Variants in MAN1B1 observed in about 807,000 individuals in gnomAD.
MAN1B1 encodes the protein endoplasmic reticulum mannosyl-oligosaccharide 1,2-alpha-mannosidase.
MAN1B1 carries 66 observed loss-of-function variants against 75.5 expected under a neutral mutation model. The observed-to-expected ratio is 0.87, with a 90% CI of 0.72 to 1.07. The LOEUF is 1.07. MAN1B1 is among the 50% of genes least tolerant of loss of function. MAN1B1 has a pLI of 0.00. For missense variants in MAN1B1, 973 were observed against 912.5 expected (o/e 1.07, Z -0.85); for synonymous variants, 453 against 382.8 (o/e 1.18, Z -2.14).
At chr9:137,087,801 T>C (rs1830413786) in intron 1 of MAN1B1, among the ~76,000 whole-genome samples, 1 of 152,242 alleles carries the variant, frequency 6.6e-6, no homozygotes, top group Admixed American at 6.5e-5. Context: ...TCTGTAGTAT[T>C]GTCCCAGCAA....
intron 9 of MAN1B1, 28 bp downstream of exon 9, chr9:137,106,343 C>G: frequency 6.5e-7 from 1 of 1,538,470 alleles, no homozygotes; most frequent in East Asian, 2.5e-5. Flanking sequence ...GCCCCCAGCT[C>G]CCGCGGCTCC....
At chr9:137,090,727 A>T (rs1018355103) in intron 3 of MAN1B1, among the ~76,000 whole-genome samples, 17 of 151,748 alleles carry the variant, frequency 1.1e-4, no homozygotes, top group African/African-American at 3.9e-4. Flanking sequence ...TTTAATAGAG[A>T]CGTGTTTCAC....
At chr9:137,100,408 C>G (rs1283229853) in intron 6 of MAN1B1, among the ~76,000 whole-genome samples, 1 of 152,228 alleles carries the variant, frequency 6.6e-6, no homozygotes, top group East Asian at 1.9e-4. Context: ...GCACTGCTGA[C>G]TCCGTTTTAT....
intron 6 of MAN1B1, among the ~76,000 whole-genome samples, chr9:137,100,746 A>T (rs1053187748): frequency 6.6e-6 from 1 of 151,978 alleles, no homozygotes; most frequent in Non-Finnish European, 1.5e-5. Context: ...CACCCTCCCC[A>T]GTAGTTGGGA....
At position 137,106,165 on chromosome 9, in the gene MAN1B1, C is replaced by T. The variant is rs774832284; in HGVS notation, c.1295C>T (p.Ser432Phe). The change falls in exon 9 of 13, where the codon TCT becomes TTT. Residue 432 changes from serine to phenylalanine, a missense_variant. Coordinates refer to ENST00000371589, the MANE Select transcript of MAN1B1 (RefSeq NM_016219.5). ...EKVTQHIHGL[S>F]GKKDGLVPMF... ...GTGACACAGCACATCCACGGCCTGT[C>T]TGGGAAGAAGGATGGGCTGGTGCCC... The T allele has an allele frequency of 3.7e-6, 6 of 1,612,864 alleles. No individual in the cohort carries two copies. The highest frequency in any genetic ancestry group is 1.3e-5 in the African/African-American group (1 of 74,936).
chr9:137,104,343 T>G (rs1831017856), intron 8 of MAN1B1: 1 of 306,170 alleles, frequency 3.3e-6, no homozygotes, highest in Non-Finnish European at 6.4e-6. Context: ...CAAGTGATTC[T>G]CCTGCCTCAG....
chr9:137,105,565 C>T (rs770838084), intron 8 of MAN1B1: 165 of 288,166 alleles, frequency 5.7e-4, no homozygotes, highest in Middle Eastern at 3.7e-3. Context: ...CCTTGCTGGG[C>T]GTGCCCTAAC....
At chr9:137,100,730 A>C (rs1455496372) in intron 6 of MAN1B1, among the ~76,000 whole-genome samples, 1 of 151,928 alleles carries the variant, frequency 6.6e-6, no homozygotes, top group Non-Finnish European at 1.5e-5. Flanking sequence ...AGCTATTCTC[A>C]TGCCTCACCC....
intron 7 of MAN1B1, 42 bp from the exon 8 acceptor site, chr9:137,101,442 G>T: frequency 6.3e-7 from 1 of 1,577,316 alleles, no homozygotes; most frequent in South Asian, 1.1e-5. Context: ...CGAGGCCTCT[G>T]GGTGACCTGA....
At chr9:137,092,090 T>C (rs1404891664) in intron 3 of MAN1B1, among the ~76,000 whole-genome samples, 1 of 152,152 alleles carries the variant, frequency 6.6e-6, no homozygotes. Flanking sequence ...TTTCAATTTA[T>C]GTGGCTGGGT....
At chr9:137,107,783 GCTTGCCGCAGC>G (rs766387632) in intron 12 of MAN1B1, 121 bp downstream of exon 12, 3 of 1,446,908 alleles carry the variant, frequency 2.1e-6, no homozygotes, top group African/African-American at 2.8e-5. Flanking sequence ...GGAGGGGCGG[GCTTGCCGCAGC>G]CTCGGGGTGG....
Position 137,089,214 on chromosome 9 carries a change from G to C in MAN1B1, c.465+209G>C, listed in dbSNP as rs1015813646. 7.7e-6 allele frequency: 5 copies of C among 651,802 alleles called. No homozygotes were observed. The East Asian group carries it at 1.1e-4, about 15-fold the overall frequency. The allele number at this position is 651,802 out of a possible 1,614,324, so 40.4% of individuals were successfully genotyped here. ...TGAAGACCAGCCATGGCCAGTTCCG[G>C]TTTTACTTCTGACTGTGCAGTGTTG... On this transcript the variant is annotated intron_variant, in intron 3 of 12. Coordinates refer to ENST00000371589, the MANE Select transcript of MAN1B1 (RefSeq NM_016219.5).
Position 137,108,442 on chromosome 9 carries a change from G to T in MAN1B1, c.1951G>T (p.Glu651Ter). 1 of 1,613,932 alleles carries T rather than the reference G, an allele frequency of 6.2e-7. No individual in the cohort carries two copies. The highest frequency in any genetic ancestry group is 8.5e-7 in the Non-Finnish European group (1 of 1,180,024). The change falls in exon 13 of 13, where the codon GAG (glutamate) becomes TAG (stop). Residue 651 changes from glutamate to a stop codon, truncating the protein, a stop_gained. Coordinates refer to ENST00000371589, the MANE Select transcript of MAN1B1 (RefSeq NM_016219.5). LOFTEE classifies it high-confidence loss of function. ...INNVQDPQKP[E>*]PRDKMESFFL... ...CAATGTCCAGGATCCTCAGAAGCCC[G>T]AGCCTAGGGACAAGATGGAGAGCTT...
chr9:137,092,894 TGTCC>T (rs1830550995), intron 3 of MAN1B1, among the ~76,000 whole-genome samples: 1 of 152,242 alleles, frequency 6.6e-6, no homozygotes, highest in South Asian at 2.1e-4. Context: ...TCCCGGAAGC[TGTCC>T]GTGTCCTTTG....
intron 3 of MAN1B1, among the ~76,000 whole-genome samples, chr9:137,095,183 G>A (rs1830620858): frequency 6.6e-6 from 1 of 151,968 alleles, no homozygotes. Context: ...ACAAGACTCT[G>A]ACTGGGATTA....
intron 3 of MAN1B1, among the ~76,000 whole-genome samples, chr9:137,092,290 T>G (rs1830537171): frequency 6.6e-6 from 1 of 152,016 alleles, no homozygotes; most frequent in African/African-American, 2.4e-5. Flanking sequence ...CCAGGGAGGT[T>G]GAGGCTACAG....
intron 4 of MAN1B1, among the ~76,000 whole-genome samples, chr9:137,097,117 G>A (rs1830673000): frequency 6.6e-6 from 1 of 152,260 alleles, no homozygotes; most frequent in Admixed American, 6.5e-5. Context: ...TCACGGCCAG[G>A]AGGAGAATTT....
rs1411461756 is a variant in MAN1B1 at position 137,106,795 on chromosome 9, T to C, written c.1552T>C (p.Phe518Leu). ...TFVGELAHGR[F>L]SAKMDHLVCF... ...TGTGGGGGAGCTTGCCCACGGCCGC[T>C]TCAGTGCCAAGATGGTGAGTGTGTC... is the stretch of plus-strand genomic sequence containing the variant. The change falls in exon 10 of 13, where the codon TTC becomes CTC. Residue 518 changes from phenylalanine to leucine, a missense_variant. By Grantham distance (22) the Phe-to-Leu change is conservative (BLOSUM62 0). Coordinates refer to ENST00000371589, the MANE Select transcript of MAN1B1 (RefSeq NM_016219.5). 2 of 1,613,222 alleles carry C rather than the reference T, an allele frequency of 1.2e-6. No individual in the cohort carries two copies. Among genetic ancestry groups the C allele is most frequent in the African/African-American group, 2.7e-5 (2 of 74,938 alleles).
chr9:137,087,386 C>G (rs1364048811), intron 1 of MAN1B1, 168 bp downstream of exon 1: 14 of 879,114 alleles, frequency 1.6e-5, no homozygotes, highest in Non-Finnish European at 2.3e-5. Context: ...TTGGGGCAGC[C>G]GTGGGCGGCT....
Sources: gnomAD v4.1 joint callset for allele counts (sites outside exome capture counted in the v4.1 genomes callset) on GRCh38, gnomAD v4.1.1 for gene constraint, MANE v1.5 for transcripts, NCBI Gene and HGNC (gene_info 2026-07-23, HGNC 2026-07-21) for gene names.